The following SLC17A2 variants were observed in gnomAD, a reference collection of about 807,000 sequenced individuals.
SLC17A2 encodes the protein sodium-dependent phosphate transport protein 3.
SLC17A2 carries 38 observed loss-of-function variants against 52.1 expected under a neutral mutation model. That is an observed-to-expected ratio of 0.73 (90% CI 0.56 to 0.96). The LOEUF (loss-of-function observed/expected upper bound fraction) is 0.96. Ranked by LOEUF, SLC17A2 falls within the 40% of genes least tolerant of loss-of-function variation. The probability of loss-of-function intolerance (pLI) is 0.00; values close to 1 mark genes in which losing one functional copy is unlikely to be tolerated. For synonymous variants in SLC17A2, 226 were observed against 211.9 expected (o/e 1.07, Z -0.58); for missense variants, 508 against 583.9 (o/e 0.87, Z 1.34).
Position 25,915,725 on chromosome 6 carries a change from C to T in SLC17A2, c.1063+11G>A. The T allele has an allele frequency of 6.2e-7, 1 of 1,613,842 alleles. No individual in the cohort carries two copies. Among genetic ancestry groups the T allele is most frequent in the Non-Finnish European group, 8.5e-7 (1 of 1,179,896 alleles). On this transcript the variant is annotated intron_variant, in intron 9 of 11. Coordinates refer to ENST00000377850, the MANE Select transcript of SLC17A2 (RefSeq NM_001286123.3). Reference sequence around the variant, plus strand: ...GGGATTGGTTAAATGGGCCCACACGCTTATCCTTACCAAGAGATGAAAAGA... The same window carrying T: ...GGGATTGGTTAAATGGGCCCACACGTTTATCCTTACCAAGAGATGAAAAGA...
chr6:25,917,113 T>C (rs760016102), intron 6 of SLC17A2, 26 bp from the exon 7 acceptor site: 3 of 1,572,540 alleles, frequency 1.9e-6, no homozygotes, highest in Non-Finnish European at 2.6e-6. Context: ...AAAATTAGTT[T>C]TTAGGTAGAT....
intron 1 of SLC17A2, among the ~76,000 whole-genome samples, chr6:25,926,391 T>G (rs879529535): frequency 1.3e-5 from 2 of 152,206 alleles, no homozygotes; most frequent in African/African-American, 4.8e-5. Context: ...TACATAACAC[T>G]AATATGTATT....
chr6:25,921,142 T>C, intron 4 of SLC17A2, 37 bp downstream of exon 4: 5 of 1,613,578 alleles, frequency 3.1e-6, no homozygotes, highest in Non-Finnish European at 4.2e-6. Flanking sequence ...AATTCAGAAA[T>C]CTGGATCCCA....
At chr6:25,923,998 A>AT (rs1766660759) in intron 2 of SLC17A2, 92 bp from the exon 3 acceptor site, 1 of 992,840 alleles carries the variant, frequency 1.0e-6, no homozygotes, top group Non-Finnish European at 1.5e-6. Context: ...AGAACTTTGG[A>AT]TGACACATGA....
rs1766163629 is a variant in SLC17A2 at position 25,913,114 on chromosome 6, T to C, written c.*203A>G. On this transcript the variant is annotated 3_prime_UTR_variant, in exon 12 of 12. Transcript: ENST00000377850. ...AAGGAGTATCTAAAAATTAGTAGTA[T>C]CTGGGTTCCACCCCAGACCAATTCA... 3 of 550,014 alleles carry C rather than the reference T, an allele frequency of 5.5e-6. No individual in the cohort carries two copies. The highest frequency in any genetic ancestry group is 9.7e-6 in the Non-Finnish European group (3 of 307,862). The allele number at this position is 550,014 out of a possible 1,614,324, so 34.1% of individuals were successfully genotyped here.
intron 1 of SLC17A2, among the ~76,000 whole-genome samples, chr6:25,929,576 G>A (rs1026197866): frequency 6.6e-6 from 1 of 152,146 alleles, no homozygotes; most frequent in South Asian, 2.1e-4. Context: ...GATGAGTGGG[G>A]AGGAGTTCAC....
At position 25,916,750 on chromosome 6, in the gene SLC17A2, A is replaced by G; in HGVS notation, c.865T>C (p.Cys289Arg). ...GGTAGGTATGTTAGGATGATGGTGC[A>G]CAACCAGAAATGGCTGAAAAAACCC... Reference protein sequence around the residue: ...FLGFFSHFWLCTIILTYLPTY... With the variant: ...FLGFFSHFWLRTIILTYLPTY... The change falls in exon 8 of 12, where the codon TGC becomes CGC. Residue 289 changes from cysteine (C) to arginine (R), a missense_variant. By Grantham distance (180) the Cys-to-Arg change is radical. Transcript: ENST00000377850. 1.2e-6 allele frequency: 2 copies of G among 1,613,988 alleles called. No homozygotes were observed.
Position 25,916,993 on chromosome 6 carries a change from G to A in SLC17A2, c.744C>T (p.His248=), listed in dbSNP as rs765492722. ...HPCISVREKE[H]ILSSLAQQPS... ...CCTGTTGAGCCAGTGAGGACAGGAT[G>A]TGCTCCTTTTCCCTAACACTTATGC... The change falls in exon 7 of 12, where the codon CAC becomes CAT. Residue 248 remains histidine, a synonymous_variant. Coordinates refer to ENST00000377850, the MANE Select transcript of SLC17A2 (RefSeq NM_001286123.3). The A allele has an allele frequency of 6.2e-7, 1 of 1,613,984 alleles. No individual in the cohort carries two copies. Among genetic ancestry groups the A allele is most frequent in the South Asian group, 1.1e-5 (1 of 91,086 alleles).
intron 11 of SLC17A2, 42 bp from the exon 12 acceptor site, chr6:25,913,493 C>T: frequency 6.3e-7 from 1 of 1,595,804 alleles, no homozygotes; most frequent in Non-Finnish European, 8.6e-7. Context: ...CTCACAAGTT[C>T]CTTCTACACC....
At chr6:25,923,269 C>G (rs1236507808) in intron 3 of SLC17A2, among the ~76,000 whole-genome samples, 1 of 152,176 alleles carries the variant, frequency 6.6e-6, no homozygotes, top group African/African-American at 2.4e-5. Flanking sequence ...TGATTTTTCT[C>G]TTGGCAAAAT....
intron 11 of SLC17A2, among the ~76,000 whole-genome samples, chr6:25,914,134 G>A (rs896706227): frequency 3.3e-5 from 5 of 152,222 alleles, no homozygotes; most frequent in South Asian, 2.1e-4. Flanking sequence ...TCTCACAGCC[G>A]ATCTGTTTCC....
chr6:25,913,063 AC>A lies in SLC17A2; in HGVS notation c.*253del, dbSNP rs1274669087. 3 of 367,960 alleles carry A rather than the reference AC, an allele frequency of 8.2e-6. No homozygotes were observed. Among genetic ancestry groups the A allele is most frequent in the Non-Finnish European group, 9.8e-6 (2 of 204,168 alleles). 22.8% of individuals were successfully genotyped at this position (367,960 alleles called of 1,614,324 possible). A position where few individuals can be genotyped will look rare whatever the true frequency, so the allele number is the denominator to read the frequency against. On this transcript the variant is annotated 3_prime_UTR_variant, in exon 12 of 12. Transcript: ENST00000377850. Reference sequence around the variant, plus strand: ...TTTCAAGTTTGTCCAGCTGTTGTCAACCCCGGGCGCATGCTAGAAACCTCTA... The same window carrying A: ...TTTCAAGTTTGTCCAGCTGTTGTCAACCCGGGCGCATGCTAGAAACCTCTA...
intron 11 of SLC17A2, 25 bp from the exon 12 acceptor site, chr6:25,913,476 G>T: frequency 6.2e-7 from 1 of 1,611,042 alleles, no homozygotes; most frequent in South Asian, 1.1e-5. Flanking sequence ...CAGAGAAAAT[G>T]ATCAATCTCA....
intron 6 of SLC17A2, 152 bp from the exon 7 acceptor site, chr6:25,917,239 A>G: frequency 6.1e-6 from 4 of 651,444 alleles, no homozygotes; most frequent in East Asian, 2.7e-5. Flanking sequence ...CTTTCTTTCA[A>G]TCCTTCTACA....
chr6:25,927,924 T>C (rs567733430), intron 1 of SLC17A2, among the ~76,000 whole-genome samples: 49 of 152,306 alleles, frequency 3.2e-4, no homozygotes, highest in African/African-American at 1.1e-3. Context: ...AACCCAGAGT[T>C]TGGACCATTT....
Position 25,920,908 on chromosome 6 carries a change from C to G in SLC17A2, c.562+98G>C. On this transcript the variant is annotated intron_variant, in intron 5 of 11. Coordinates refer to ENST00000377850, the MANE Select transcript of SLC17A2 (RefSeq NM_001286123.3). ...TATATTGTTGAATTTTTCAGCAGTACTTTTTCTCTCTCTTCCCCAAACCAT... is the reference window on the plus strand; with the variant it reads ...TATATTGTTGAATTTTTCAGCAGTAGTTTTTCTCTCTCTTCCCCAAACCAT... 3 of 1,155,834 alleles carry G rather than the reference C, an allele frequency of 2.6e-6. 1 individual carries two copies. In the South Asian group the frequency reaches 4.0e-5, roughly 15 times the overall value. The allele number at this position is 1,155,834 out of a possible 1,614,324, so 71.6% of individuals were successfully genotyped here. A position where few individuals can be genotyped will look rare whatever the true frequency, so the allele number is the denominator to read the frequency against.
At chr6:25,921,121 A>G (rs755476097) in intron 4 of SLC17A2, 28 bp from the exon 5 acceptor site, 1 of 1,613,734 alleles carries the variant, frequency 6.2e-7, no homozygotes, top group Admixed American at 1.7e-5. Flanking sequence ...AAGACCTTTG[A>G]TATTTTGTAG....
intron 2 of SLC17A2, 66 bp downstream of exon 2, chr6:25,925,703 G>A: frequency 2.9e-6 from 4 of 1,388,670 alleles, no homozygotes; most frequent in Non-Finnish European, 4.1e-6. Context: ...ATGCAGAGAT[G>A]TGTAAATGTG....
intron 8 of SLC17A2, 92 bp from the exon 9 acceptor site, chr6:25,915,960 T>C: frequency 8.1e-7 from 1 of 1,234,812 alleles, no homozygotes; most frequent in Admixed American, 2.3e-5. Flanking sequence ...CTTACCCCCA[T>C]GATACTGTGG....
Sources: gnomAD v4.1 joint callset for allele counts (sites outside exome capture counted in the v4.1 genomes callset) on GRCh38, gnomAD v4.1.1 for gene constraint, MANE v1.5 for transcripts, NCBI Gene and HGNC (gene_info 2026-07-23, HGNC 2026-07-21) for gene names.